Variants in ANKRD30A observed in about 807,000 individuals in gnomAD.
ANKRD30A encodes ankyrin repeat domain-containing protein 30A.
Under a neutral mutation model 166.3 loss-of-function variants are expected in ANKRD30A, and 170 were observed. The observed-to-expected ratio is 1.02, with a 90% CI of 0.90 to 1.16. ANKRD30A has a LOEUF of 1.16. Ranked by LOEUF, ANKRD30A falls within the 50% of genes most tolerant of loss-of-function variation. The pLI, the probability that ANKRD30A is intolerant of heterozygous loss-of-function variation, is 0.00. For missense variants in ANKRD30A, 1,630 were observed against 1,518.0 expected (o/e 1.07, Z -1.23); for synonymous variants, 564 against 508.9 (o/e 1.11, Z -1.46).
chr10:37,193,052 C>T lies in ANKRD30A; in HGVS notation c.2513-12C>T. On this transcript the variant is annotated splice_polypyrimidine_tract_variant and intron_variant, in intron 25 of 35. Transcript: ENST00000361713. ...TGCATACAATAAATTATATATGTCC[C>T]TTTTCTTTTAGAGTCTCCTGATAAT... The T allele has an allele frequency of 6.2e-7, 1 of 1,608,734 alleles. No homozygotes were observed. The highest frequency in any genetic ancestry group is 8.5e-7 in the Non-Finnish European group (1 of 1,176,788).
rs1443812994 is a variant in ANKRD30A at position 37,133,953 on chromosome 10, G to A, written c.655G>A (p.Glu219Lys). 3 of 1,613,962 alleles carry A rather than the reference G, an allele frequency of 1.9e-6. No homozygotes were observed. The highest frequency in any genetic ancestry group is 2.5e-6 in the Non-Finnish European group (3 of 1,179,972). The change falls in exon 5 of 36, where the codon GAG (glutamate) becomes AAG (lysine). Residue 219 changes from glutamate (E) to lysine (K), a missense_variant. Glu to Lys is a moderately conservative substitution (Grantham distance 56). This residue lies in a region of ANKRD30A where 904 missense variants were observed against 818.5 expected (regional missense o/e 1.10). Coordinates refer to ENST00000361713, the MANE Select transcript of ANKRD30A (RefSeq NM_052997.3). ...LMLAVCHGSS[E>K]IVGMLLQQNV... The stretch of plus-strand genomic sequence containing the variant: ...GCTTGCTGTATGTCATGGATCATCA[G>A]AGATAGTTGGCATGCTTCTTCAGCA...
At chr10:37,213,429 A>G (rs1375636071) in intron 31 of ANKRD30A, among the ~76,000 whole-genome samples, 1 of 151,790 alleles carries the variant, frequency 6.6e-6, no homozygotes, top group East Asian at 1.9e-4. Context: ...CCTACCTCCT[A>G]ATAACATCAC....
chr10:37,193,390 A>G (rs1472492418), intron 27 of ANKRD30A, 132 bp downstream of exon 27: 2 of 1,226,992 alleles, frequency 1.6e-6, no homozygotes, highest in African/African-American at 1.5e-5. Context: ...AATAATGCCA[A>G]TGTGAGTATT....
In ANKRD30A at chr10:37,141,809, T is replaced by TGA. The variant is rs779348229; in HGVS notation, c.914_915dup (p.Ala306ArgfsTer92). 14 of 1,612,182 alleles carry TGA rather than the reference T, an allele frequency of 8.7e-6. 1 individual carries two copies. The South Asian group carries it at 1.4e-4, about 16-fold the overall frequency. On this transcript the variant is annotated frameshift_variant, in exon 7 of 36. Transcript: ENST00000361713. LOFTEE classifies it high-confidence loss of function. ...AAAGCTTGGTGGAAAAAACACCTGA[T>TGA]GAGGCTGCACCCTTGGTGGAAAGAA...
the ANKRD30A span, among the ~76,000 whole-genome samples, chr10:37,264,136 A>T: frequency 6.6e-6 from 1 of 152,214 alleles, no homozygotes; most frequent in Non-Finnish European, 1.5e-5. Flanking sequence ...AAAATGATCA[A>T]TAAAAACATA....
intron 24 of ANKRD30A, among the ~76,000 whole-genome samples, chr10:37,183,530 C>G (rs1397291279): frequency 2.7e-5 from 4 of 146,662 alleles, no homozygotes; most frequent in Non-Finnish European, 6.1e-5. Context: ...ATAAATCAAA[C>G]AAAATCAAAA....
intron 27 of ANKRD30A, among the ~76,000 whole-genome samples, chr10:37,194,197 A>C (rs183314359): frequency 1.3e-5 from 2 of 152,270 alleles, no homozygotes; most frequent in East Asian, 3.9e-4. Context: ...CTGAAAAAGC[A>C]AAGAAATAAA....
intron 34 of ANKRD30A, among the ~76,000 whole-genome samples, chr10:37,220,937 C>T (rs1842869577): frequency 6.6e-6 from 1 of 150,992 alleles, no homozygotes. Flanking sequence ...AAAATTTCAG[C>T]ATGTGATTGA....
the ANKRD30A span, chr10:37,248,277 A>G: frequency 7.0e-5 from 38 of 545,942 alleles, no homozygotes; most frequent in African/African-American, 6.3e-4. Context: ...CACCTCAAAA[A>G]GGCCCTGCCT....
the ANKRD30A span, among the ~76,000 whole-genome samples, chr10:37,240,672 C>G: frequency 6.6e-6 from 1 of 152,112 alleles, no homozygotes; most frequent in Non-Finnish European, 1.5e-5. Context: ...ATTTGCTCCT[C>G]CCTTCTATCT....
At position 37,203,170 on chromosome 10, in the gene ANKRD30A, G is replaced by A. The variant is rs189917575; in HGVS notation, c.2869+1845G>A. On this transcript the variant is annotated intron_variant, in intron 31 of 35. Coordinates refer to ENST00000361713, the MANE Select transcript of ANKRD30A (RefSeq NM_052997.3). ...ATCATCCTGATACCAAAGCCTGGCA[G>A]AGACACAACAAAAAAACAGAATTTT... 2.6e-4 allele frequency among the ~76,000 whole-genome samples: 39 copies of A among 152,248 alleles called. No homozygotes were observed. In the East Asian group the frequency reaches 7.3e-3, roughly 29 times the overall value.
At chr10:37,140,835 A>G (rs560252199) in intron 6 of ANKRD30A, among the ~76,000 whole-genome samples, 3 of 152,318 alleles carry the variant, frequency 2.0e-5, no homozygotes, top group East Asian at 3.9e-4. Context: ...TATTTATTAA[A>G]GGACCTCTGT....
the ANKRD30A span, among the ~76,000 whole-genome samples, chr10:37,259,446 G>A: frequency 6.6e-6 from 1 of 152,134 alleles, no homozygotes; most frequent in African/African-American, 2.4e-5. Context: ...TTCTTAGGCA[G>A]CATTTAATGA....
intron 12 of ANKRD30A, among the ~76,000 whole-genome samples, chr10:37,152,878 C>A (rs1838059754): frequency 1.3e-5 from 2 of 151,938 alleles, no homozygotes; most frequent in Non-Finnish European, 2.9e-5. Flanking sequence ...AGGTGGAAGT[C>A]AATAGGTAGA....
chr10:37,130,058 TA>T (rs772166309), intron 2 of ANKRD30A, 51 bp downstream of exon 2: 11 of 1,313,164 alleles, frequency 8.4e-6, no homozygotes, highest in Non-Finnish European at 9.9e-6. Flanking sequence ...TTTAAATACA[TA>T]GAATAAAAAT....
At chr10:37,242,467 A>G in the ANKRD30A span, among the ~76,000 whole-genome samples, 8 of 152,296 alleles carry the variant, frequency 5.3e-5, no homozygotes, top group African/African-American at 1.9e-4. Flanking sequence ...AGACTATGTA[A>G]ATATCTCTTT....
intron 31 of ANKRD30A, among the ~76,000 whole-genome samples, chr10:37,214,657 TCTTTG>T (rs1426497447): frequency 1.3e-5 from 2 of 151,166 alleles, no homozygotes; most frequent in African/African-American, 4.8e-5. Context: ...TAGGTATAAC[TCTTTG>T]CTTTGCTGTC....
chr10:37,191,609 G>C (rs545663367), intron 25 of ANKRD30A, among the ~76,000 whole-genome samples: 3 of 151,824 alleles, frequency 2.0e-5, no homozygotes, highest in African/African-American at 7.3e-5. Context: ...AACACTTTTT[G>C]CAAAAATCAT....
chr10:37,183,687 C>T (rs1441817832), intron 24 of ANKRD30A, among the ~76,000 whole-genome samples: 206 of 147,772 alleles, frequency 1.4e-3, no homozygotes, highest in African/African-American at 3.8e-3. Flanking sequence ...CTCATATAAA[C>T]TGTGAAAATT....
Sources: allele counts gnomAD v4.1 joint callset (sites outside exome capture counted in the v4.1 genomes callset), GRCh38; gene constraint gnomAD v4.1.1; regional missense constraint gnomAD v4.1.1; transcripts MANE v1.5; gene names NCBI Gene and HGNC (gene_info 2026-07-23, HGNC 2026-07-21).